PPM1H: variants seen among roughly 807,000 people sequenced by gnomAD.
PPM1H encodes protein phosphatase, Mg2+/Mn2+ dependent 1H, also known as protein phosphatase 1H.
Under a neutral mutation model 54.9 loss-of-function variants are expected in PPM1H, and 27 were observed. That is an observed-to-expected ratio of 0.49 (90% CI 0.36 to 0.68). The LOEUF (loss-of-function observed/expected upper bound fraction) is 0.68. Ranked by LOEUF, PPM1H falls within the 30% of genes least tolerant of loss-of-function variation. PPM1H has a pLI of 0.00. For missense variants in PPM1H, 596 were observed against 667.8 expected (o/e 0.89, Z 1.19); for synonymous variants, 305 against 270.8 (o/e 1.13, Z -1.24).
chr12:62,649,222 A>AT (rs748414376), intron 9 of PPM1H, among the ~76,000 whole-genome samples: 14,789 of 148,044 alleles, frequency 0.1, 796 homozygotes, highest in Middle Eastern at 0.12. Flanking sequence ...AATTTATTTA[A>AT]TTTTTTTTTT....
chr12:62,696,619 C>T (rs529970409), intron 6 of PPM1H, among the ~76,000 whole-genome samples: 74 of 152,308 alleles, frequency 4.9e-4, no homozygotes, highest in Middle Eastern at 3.4e-3. Context: ...AAACTGGCAA[C>T]TTGATTAGAG....
At chr12:62,668,879 G>A (rs933552285) in intron 8 of PPM1H, among the ~76,000 whole-genome samples, 3 of 152,240 alleles carry the variant, frequency 2.0e-5, no homozygotes, top group Non-Finnish European at 4.4e-5. Flanking sequence ...GCCCTGGCAT[G>A]GGGCTGGTCC....
At chr12:62,913,843 C>A (rs1009381853) in intron 1 of PPM1H, among the ~76,000 whole-genome samples, 1 of 151,898 alleles carries the variant, frequency 6.6e-6, no homozygotes, top group Non-Finnish European at 1.5e-5. Flanking sequence ...TGGGATTATA[C>A]GCATGCGCCA....
At chr12:62,808,383 C>T (rs185544320) in intron 2 of PPM1H, among the ~76,000 whole-genome samples, 13 of 143,832 alleles carry the variant, frequency 9.0e-5, no homozygotes, top group Admixed American at 7.4e-4. Flanking sequence ...CCTACCCTAC[C>T]ACCAGAGGGA....
chr12:62,917,138 T>C (rs1871650096), intron 1 of PPM1H, among the ~76,000 whole-genome samples: 2 of 152,248 alleles, frequency 1.3e-5, no homozygotes, highest in Non-Finnish European at 2.9e-5. Flanking sequence ...AGGTCAGAGA[T>C]GCTGAGAGCA....
chr12:62,653,425 A>G (rs978379456), intron 9 of PPM1H, among the ~76,000 whole-genome samples: 17 of 152,206 alleles, frequency 1.1e-4, no homozygotes, highest in Non-Finnish European at 2.5e-4. Context: ...TTAGTGAATT[A>G]CTTTGTTTCA....
At chr12:62,720,046 T>C in intron 6 of PPM1H, 125 bp downstream of exon 6, 1 of 806,058 alleles carries the variant, frequency 1.2e-6, no homozygotes, top group South Asian at 1.7e-5. Flanking sequence ...CCCCTTGTCT[T>C]TTACCACAAA....
intron 1 of PPM1H, among the ~76,000 whole-genome samples, chr12:62,871,379 G>C (rs1246235438): frequency 6.6e-6 from 1 of 152,126 alleles, no homozygotes; most frequent in Non-Finnish European, 1.5e-5. Context: ...TAGTGCATAG[G>C]GGAGGCAGAG....
intron 2 of PPM1H, among the ~76,000 whole-genome samples, chr12:62,804,836 C>T (rs1003177064): frequency 6.6e-6 from 1 of 150,948 alleles, no homozygotes; most frequent in Non-Finnish European, 1.5e-5. Flanking sequence ...CCACTACGCC[C>T]GGCTAATTTT....
chr12:62,719,617 CT>C (rs1306897932), intron 6 of PPM1H, among the ~76,000 whole-genome samples: 1 of 152,188 alleles, frequency 6.6e-6, no homozygotes, highest in Non-Finnish European at 1.5e-5. Flanking sequence ...GACAACCCCC[CT>C]GACAAGAGTT....
intron 2 of PPM1H, among the ~76,000 whole-genome samples, chr12:62,805,209 G>A (rs1056151803): frequency 6.6e-6 from 1 of 152,136 alleles, no homozygotes; most frequent in South Asian, 2.1e-4. Context: ...AAAAAAACGA[G>A]ACAAGTGTTA....
At chr12:62,689,639 G>C (rs1019218929) in intron 8 of PPM1H, 60 bp downstream of exon 8, 5 of 1,299,632 alleles carry the variant, frequency 3.8e-6, no homozygotes, top group Non-Finnish European at 5.5e-6. Flanking sequence ...TGAGTCACAG[G>C]AGGAATAACG....
At chr12:62,773,095 C>A (rs1450829692) in intron 4 of PPM1H, among the ~76,000 whole-genome samples, 1 of 152,182 alleles carries the variant, frequency 6.6e-6, no homozygotes, top group Non-Finnish European at 1.5e-5. Flanking sequence ...TGGTAGTGAG[C>A]CGAGATGGTG....
intron 1 of PPM1H, chr12:62,850,885 C>G (rs1252672970): frequency 6.6e-6 from 1 of 151,618 alleles, no homozygotes; most frequent in African/African-American, 2.4e-5. Context: ...ATGTTATCTC[C>G]CCTGCCAGGT....
intron 8 of PPM1H, among the ~76,000 whole-genome samples, chr12:62,673,789 A>G (rs1478446612): frequency 4.6e-5 from 6 of 131,696 alleles, no homozygotes; most frequent in East Asian, 4.8e-4. Context: ...GCTGTGGCAC[A>G]ATTCTGGCTC....
At chr12:62,721,043 T>G (rs1253866369) in intron 5 of PPM1H, 1 of 152,276 alleles carries the variant, frequency 6.6e-6, no homozygotes, top group African/African-American at 2.4e-5. Context: ...CTTCCCCACA[T>G]GAAGCTGTCT....
chr12:62,755,853 C>T, intron 4 of PPM1H: 1 of 785,412 alleles, frequency 1.3e-6, no homozygotes, highest in East Asian at 2.5e-5. Context: ...ATCATCCCTG[C>T]CTCTACTGGT....
At chr12:62,702,089 C>T (rs2076146924) in intron 6 of PPM1H, among the ~76,000 whole-genome samples, 2 of 152,186 alleles carry the variant, frequency 1.3e-5, no homozygotes, top group East Asian at 3.8e-4. Context: ...ATTCACTCTG[C>T]CTTAATAGCT....
intron 2 of PPM1H, among the ~76,000 whole-genome samples, chr12:62,831,701 GTGTGTA>G (rs368244892): frequency 0.01 from 1,301 of 124,004 alleles, 18 homozygotes; most frequent in African/African-American, 0.038. Flanking sequence ...CAAACATTGT[GTGTGTA>G]TGTGTGTGTG....
Sources: gnomAD v4.1 joint callset for allele counts (sites outside exome capture counted in the v4.1 genomes callset) on GRCh38, gnomAD v4.1.1 for gene constraint, MANE v1.5 for transcripts, NCBI Gene and HGNC (gene_info 2026-07-23, HGNC 2026-07-21) for gene names.